The following INTS6 variants were observed in gnomAD, a reference collection of about 807,000 sequenced individuals.
INTS6 encodes the protein integrator complex subunit 6.
INTS6 carries 16 observed loss-of-function variants against 104.9 expected under a neutral mutation model. The observed-to-expected ratio is 0.15, with a 90% CI of 0.10 to 0.23. The LOEUF (loss-of-function observed/expected upper bound fraction) is 0.23, where lower values mean the gene tolerates loss of function less well. Ranked by LOEUF, INTS6 falls within the 10% of genes least tolerant of loss-of-function variation. The probability of loss-of-function intolerance (pLI) is 1.00; values close to 1 mark genes in which losing one functional copy is unlikely to be tolerated. For synonymous variants in INTS6, 324 were observed against 358.7 expected (o/e 0.90, Z 1.09); for missense variants, 584 against 1,062.8 (o/e 0.55, Z 6.26).
the INTS6 span, chr13:51,339,474 C>G: frequency 9.2e-5 from 14 of 152,408 alleles, no homozygotes; most frequent in Admixed American, 1.3e-4. Flanking sequence ...GGCTCTCCCC[C>G]CACGGCCCTG....
chr13:51,451,841 G>A (rs996282335), intron 2 of INTS6, 137 bp downstream of exon 2: 30 of 504,436 alleles, frequency 5.9e-5, no homozygotes, highest in South Asian at 1.9e-4. Context: ...GAGCCCGCAG[G>A]GAAGAGACCT....
chr13:51,365,148 A>G lies in INTS6; in HGVS notation c.*604T>C, dbSNP rs540555511. The G allele has an allele frequency of 1.1e-4, 17 of 152,650 alleles. No homozygotes were observed. The East Asian group carries it at 1.5e-3, about 14-fold the overall frequency. 9.5% of individuals were successfully genotyped at this position (152,650 alleles called of 1,614,324 possible). Reference sequence around the variant, plus strand: ...TGTATTTTTCCAATGCTAAAAAGCAAGGCCTTTAAAATTCCATTATCTTAG... The same window carrying G: ...TGTATTTTTCCAATGCTAAAAAGCAGGGCCTTTAAAATTCCATTATCTTAG... On this transcript the variant is annotated 3_prime_UTR_variant, in exon 18 of 18. Coordinates refer to ENST00000311234, the MANE Select transcript of INTS6 (RefSeq NM_012141.3).
intron 4 of INTS6, among the ~76,000 whole-genome samples, chr13:51,425,993 C>A (rs1049777873): frequency 2.6e-5 from 4 of 151,766 alleles, no homozygotes; most frequent in Non-Finnish European, 5.9e-5. Flanking sequence ...AATATATACA[C>A]ATAAAATTCA....
In INTS6 at chr13:51,364,394, T is replaced by G; in HGVS notation, c.*1358A>C. 1 of 562,828 alleles carries G rather than the reference T, an allele frequency of 1.8e-6. No individual in the cohort carries two copies. The highest frequency in any genetic ancestry group is 3.0e-6 in the Non-Finnish European group (1 of 335,972). The allele number at this position is 562,828 out of a possible 1,614,324, so 34.9% of individuals were successfully genotyped here. On this transcript the variant is annotated 3_prime_UTR_variant, in exon 18 of 18. Coordinates refer to ENST00000311234, the MANE Select transcript of INTS6 (RefSeq NM_012141.3). The stretch of plus-strand genomic sequence containing the variant: ...GATAAAGTGTAAAAAGCTAAGGGTA[T>G]GTGATTTTCAATATTATAAACCTAA...
At chr13:51,386,825 G>A (rs936853521) in intron 7 of INTS6, among the ~76,000 whole-genome samples, 3 of 152,028 alleles carry the variant, frequency 2.0e-5, no homozygotes, top group Non-Finnish European at 4.4e-5. Context: ...TTGTATAAAT[G>A]TACCCTATTA....
At chr13:51,436,659 T>C (rs1952694226) in intron 3 of INTS6, 1 of 152,098 alleles carries the variant, frequency 6.6e-6, no homozygotes, top group African/African-American at 2.4e-5. Flanking sequence ...AAGTTTGACT[T>C]TGTAAAAAAA....
the INTS6 span, chr13:51,344,117 T>C: frequency 1.5e-6 from 1 of 678,034 alleles, no homozygotes; most frequent in East Asian, 2.7e-5. Context: ...TCAAACTGGC[T>C]TTGTATGGTA....
At chr13:51,375,730 AGTGGGT>A (rs1355451153) in intron 13 of INTS6, among the ~76,000 whole-genome samples, 21 of 126,878 alleles carry the variant, frequency 1.7e-4, no homozygotes, top group Middle Eastern at 3.8e-3. Context: ...CAGTTTGATA[AGTGGGT>A]GTGTGTGTGT....
At chr13:51,426,116 A>G (rs1956980429) in intron 4 of INTS6, among the ~76,000 whole-genome samples, 2 of 152,128 alleles carry the variant, frequency 1.3e-5, no homozygotes, top group Admixed American at 6.6e-5. Flanking sequence ...GCCCAAGGAT[A>G]TAATTGAAAT....
At chr13:51,350,128 T>A (rs894631523), downstream of INTS6, among the ~76,000 whole-genome samples, 2 of 152,116 alleles carry the variant, frequency 1.3e-5, no homozygotes, top group Non-Finnish European at 2.9e-5. Flanking sequence ...ATTTTTCGTT[T>A]AACAAGAGCA....
At chr13:51,376,311 T>C in intron 12 of INTS6, 137 bp from the exon 13 acceptor site, 3 of 638,934 alleles carry the variant, frequency 4.7e-6, no homozygotes, top group Admixed American at 3.8e-5. Flanking sequence ...TAAAGACATA[T>C]GATATAATCT....
Position 51,452,070 on chromosome 13 carries a change from G to C in INTS6, c.112-15C>G. ...CGGGCACGGAGCTGCGGGACGGGAG[G>C]AGGAACAGGGCGGGCGACAGGGAAG... On this transcript the variant is annotated splice_polypyrimidine_tract_variant and intron_variant, in intron 1 of 17. Coordinates refer to ENST00000311234, the MANE Select transcript of INTS6 (RefSeq NM_012141.3). This position sits in a 1 kb window ranked among gnomAD's most constrained non-coding sequence, Gnocchi z 4.2. The C allele has an allele frequency of 1.2e-6, 2 of 1,608,236 alleles. No individual in the cohort carries two copies. The highest frequency in any genetic ancestry group is 1.7e-6 in the Non-Finnish European group (2 of 1,177,118).
At chr13:51,351,690 T>G (rs1378474447), downstream of INTS6, among the ~76,000 whole-genome samples, 1 of 152,154 alleles carries the variant, frequency 6.6e-6, no homozygotes, top group Non-Finnish European at 1.5e-5. Context: ...GATGCCATAT[T>G]ATATTGAATA....
intron 11 of INTS6, among the ~76,000 whole-genome samples, chr13:51,378,932 A>G (rs150335310): frequency 6.6e-6 from 1 of 152,220 alleles, no homozygotes; most frequent in African/African-American, 2.4e-5. Context: ...TAGTTAAGGT[A>G]GCAATGTCAG....
At chr13:51,360,172 T>G (rs1489982399), downstream of INTS6, among the ~76,000 whole-genome samples, 2 of 152,062 alleles carry the variant, frequency 1.3e-5, no homozygotes, top group Non-Finnish European at 2.9e-5. Flanking sequence ...ACAAACCAAT[T>G]TAAGCGTTAG....
chr13:51,374,191 A>G lies in INTS6; in HGVS notation c.2104+17T>C. 1 of 1,595,344 alleles carries G rather than the reference A, an allele frequency of 6.3e-7. No homozygotes were observed. The highest frequency in any genetic ancestry group is 1.3e-5 in the African/African-American group (1 of 74,614). ...CAAAAGGCAGCAAATAATGTTTAAGAAAAAAACAATTCTTACTTTTATGAA... is the reference window on the plus strand; with the variant it reads ...CAAAAGGCAGCAAATAATGTTTAAGGAAAAAACAATTCTTACTTTTATGAA... On this transcript the variant is annotated intron_variant, in intron 15 of 17. Transcript: ENST00000311234.
At chr13:51,389,555 C>A (rs1278170966) in intron 5 of INTS6, 111 bp from the exon 6 acceptor site, 1 of 994,320 alleles carries the variant, frequency 1.0e-6, no homozygotes, top group Non-Finnish European at 1.4e-6. Flanking sequence ...TCTGACAGTA[C>A]TAATTAACAA....
At chr13:51,347,101 G>A in the INTS6 span, 16 of 1,610,614 alleles carry the variant, frequency 9.9e-6, no homozygotes, top group Non-Finnish European at 1.3e-5. Context: ...TTGTGCTTGT[G>A]AGCACCATGT....
At chr13:51,450,544 GTAC>G in intron 3 of INTS6, 1 of 985,448 alleles carries the variant, frequency 1.0e-6, no homozygotes, top group Non-Finnish European at 1.2e-6. Flanking sequence ...GCCAGTGACT[GTAC>G]TCCAGTGAAA....
Sources: allele counts gnomAD v4.1 joint callset (sites outside exome capture counted in the v4.1 genomes callset), GRCh38; gene constraint gnomAD v4.1.1; non-coding constraint Gnocchi (gnomAD v3.1); transcripts MANE v1.5; gene names NCBI Gene and HGNC (gene_info 2026-07-23, HGNC 2026-07-21).